The following PPP2R2B variants were observed in gnomAD, a reference collection of about 807,000 sequenced individuals.
The protein encoded by PPP2R2B is protein phosphatase 2 regulatory subunit Bbeta, also known as serine/threonine-protein phosphatase 2A 55 kDa regulatory subunit B beta isoform.
PPP2R2B carries 5 observed loss-of-function variants against 46.0 expected under a neutral mutation model. The observed-to-expected ratio is 0.11, with a 90% CI of 0.06 to 0.23. The LOEUF is 0.23. PPP2R2B is among the 10% of genes least tolerant of loss of function. The probability of loss-of-function intolerance (pLI) is 1.00; values close to 1 mark genes in which losing one functional copy is unlikely to be tolerated. For synonymous variants in PPP2R2B, 215 were observed against 206.7 expected (o/e 1.04, Z -0.34); for missense variants, 367 against 575.0 (o/e 0.64, Z 3.70).
Position 146,892,490 on chromosome 5 carries a change from C to A in PPP2R2B, c.79+163175G>T, listed in dbSNP as rs966059403. On this transcript the variant is annotated intron_variant, in intron 1 of 8. Transcript: ENST00000336640. ...GCACGTGAGCACCTCTCTGTCCCTC[C>A]CACCACCTCTCTCTGCTTAGCATAT... is the stretch of plus-strand genomic sequence containing the variant. 4.6e-5 allele frequency among the ~76,000 whole-genome samples: 7 copies of A among 152,134 alleles called. 1 individual carries two copies. In the East Asian group the frequency reaches 1.3e-3, roughly 29 times the overall value.
intron 2 of PPP2R2B, among the ~76,000 whole-genome samples, chr5:146,778,902 A>G (rs1755342565): frequency 6.6e-6 from 1 of 152,206 alleles, no homozygotes; most frequent in Non-Finnish European, 1.5e-5. Flanking sequence ...CCATCTATGG[A>G]AAAACAGAGC....
At chr5:146,812,791 G>GTATATATGTATATATATATATATA (rs1239921320) in intron 2 of PPP2R2B, among the ~76,000 whole-genome samples, 1 of 9,946 alleles carries the variant, frequency 1.0e-4, no homozygotes, top group Non-Finnish European at 1.8e-4. Context: ...GTGTATATGT[G>GTATATATGTATATATATATATATA]TGTATATATA....
chr5:146,670,399 G>C (rs1777266744), intron 5 of PPP2R2B, among the ~76,000 whole-genome samples: 1 of 151,956 alleles, frequency 6.6e-6, no homozygotes, highest in South Asian at 2.1e-4. Flanking sequence ...ATAATTGAGG[G>C]AAAATTAGAA....
intron 1 of PPP2R2B, among the ~76,000 whole-genome samples, chr5:147,000,893 T>C (rs1268668653): frequency 6.6e-6 from 1 of 152,124 alleles, no homozygotes; most frequent in Non-Finnish European, 1.5e-5. Context: ...TTATGTTTCT[T>C]CAAGGCAGCA....
chr5:146,662,614 C>A (rs1776737489), intron 5 of PPP2R2B, among the ~76,000 whole-genome samples: 1 of 152,130 alleles, frequency 6.6e-6, no homozygotes, highest in African/African-American at 2.4e-5. Flanking sequence ...AATTTCTTTT[C>A]TTTATAAATT....
At chr5:146,963,094 G>T (rs1470850288) in intron 1 of PPP2R2B, among the ~76,000 whole-genome samples, 1 of 152,146 alleles carries the variant, frequency 6.6e-6, no homozygotes, top group Non-Finnish European at 1.5e-5. Flanking sequence ...AGAACAAATT[G>T]TATAAAGTGA....
At chr5:146,979,119 A>G (rs532256070) in intron 1 of PPP2R2B, among the ~76,000 whole-genome samples, 84 of 152,246 alleles carry the variant, frequency 5.5e-4, no homozygotes, top group African/African-American at 1.8e-3. Flanking sequence ...CTATTTCTCT[A>G]ATAGGACATA....
exon 2 of PPP2R2B, chr5:147,081,100 A>G: frequency 6.5e-7 from 1 of 1,535,668 alleles, no homozygotes; most frequent in Non-Finnish European, 8.7e-7. Context: ...CACTTGGCTG[A>G]AGCACCATAG....
At chr5:146,829,547 C>T (rs190413568) in intron 2 of PPP2R2B, among the ~76,000 whole-genome samples, 1 of 152,292 alleles carries the variant, frequency 6.6e-6, no homozygotes, top group Non-Finnish European at 1.5e-5. Context: ...ATGGGGAGCA[C>T]TCTGCTGTCA....
chr5:146,593,018 A>G lies in PPP2R2B; in HGVS notation c.1005T>C (p.Asn335=). 1.2e-6 allele frequency: 2 copies of G among 1,614,076 alleles called. No individual in the cohort carries two copies. Among genetic ancestry groups the G allele is most frequent in the Non-Finnish European group, 1.7e-6 (2 of 1,179,936 alleles). Residue 335 remains asparagine (N), a synonymous_variant, in exon 9 of 10, where the codon AAT becomes AAC. Transcript: ENST00000394411. ...ACTCAAATTTATCAAAAATGCAGTC[A>G]TTTTCATAGAGGGAACACAGCTTGC... The part of the protein sequence containing the change: ...LRSKLCSLYE[N]DCIFDKFECV...
intron 1 of PPP2R2B, among the ~76,000 whole-genome samples, chr5:146,953,008 A>T (rs552257771): frequency 9.2e-5 from 14 of 152,330 alleles, no homozygotes; most frequent in African/African-American, 3.4e-4. Flanking sequence ...TGAGGTTAAC[A>T]GATAAAATAT....
At chr5:146,926,719 A>T (rs562061566) in intron 1 of PPP2R2B, among the ~76,000 whole-genome samples, 1 of 152,168 alleles carries the variant, frequency 6.6e-6, no homozygotes, top group East Asian at 1.9e-4. Flanking sequence ...GGCTCTTTTC[A>T]AGCTCCCCTG....
At chr5:147,071,616 C>G (rs1317135682) in intron 2 of PPP2R2B, among the ~76,000 whole-genome samples, 1 of 152,130 alleles carries the variant, frequency 6.6e-6, no homozygotes, top group Non-Finnish European at 1.5e-5. Context: ...AACTCTCCTC[C>G]CCAGATATTC....
intron 2 of PPP2R2B, among the ~76,000 whole-genome samples, chr5:146,856,115 T>G (rs1455221714): frequency 6.6e-6 from 1 of 152,222 alleles, no homozygotes; most frequent in Non-Finnish European, 1.5e-5. Context: ...CTCTTTTTCT[T>G]TGTTTGAGCA....
intron 2 of PPP2R2B, among the ~76,000 whole-genome samples, chr5:146,843,044 T>G (rs929484648): frequency 2.0e-5 from 3 of 152,114 alleles, no homozygotes; most frequent in Non-Finnish European, 4.4e-5. Context: ...CAAAATTAGC[T>G]GGCGTGATGG....
intron 2 of PPP2R2B, among the ~76,000 whole-genome samples, chr5:146,866,249 T>C (rs1032416422): frequency 2.0e-5 from 3 of 152,226 alleles, no homozygotes; most frequent in Non-Finnish European, 4.4e-5. Flanking sequence ...AGAATATTCA[T>C]AGGCAATATG....
chr5:146,697,960 A>C lies in PPP2R2B; in HGVS notation c.334+19T>G. 1.3e-6 allele frequency: 2 copies of C among 1,599,206 alleles called. No individual in the cohort carries two copies. The highest frequency in any genetic ancestry group is 1.3e-5 in the African/African-American group (1 of 74,104). ...GGCCGACTGTATCTCTGAAAATACC[A>C]AACAGGAATTCCACCTACCATTAGT... On this transcript the variant is annotated intron_variant, in intron 4 of 9. Transcript: ENST00000394411.
chr5:146,861,918 A>G (rs1171108797), intron 2 of PPP2R2B, among the ~76,000 whole-genome samples: 1 of 149,774 alleles, frequency 6.7e-6, no homozygotes, highest in Non-Finnish European at 1.5e-5. Context: ...ATAAACTTTC[A>G]CATAATTTTT....
intron 2 of PPP2R2B, among the ~76,000 whole-genome samples, chr5:146,810,532 C>T (rs1028888582): frequency 5.3e-5 from 8 of 152,072 alleles, no homozygotes; most frequent in African/African-American, 4.8e-5. Context: ...ATACCAGATG[C>T]GGAAACTCAG....
Sources: allele counts gnomAD v4.1 joint callset (sites outside exome capture counted in the v4.1 genomes callset), GRCh38; gene constraint gnomAD v4.1.1; transcripts MANE v1.5; gene names NCBI Gene and HGNC (gene_info 2026-07-23, HGNC 2026-07-21).